The following VPS41 variants were observed in gnomAD, a reference collection of about 807,000 sequenced individuals.
VPS41 encodes the protein VPS41 subunit of HOPS complex.
A neutral mutation model predicts 130.9 loss-of-function variants in VPS41; 85 were observed. That is an observed-to-expected ratio of 0.65 (90% CI 0.55 to 0.78). The LOEUF is 0.78. Ranked by LOEUF, VPS41 falls within the 30% of genes least tolerant of loss-of-function variation. The pLI is 0.00. For synonymous variants in VPS41, 335 were observed against 332.9 expected, an observed-to-expected ratio of 1.01 and a Z score of -0.07; for missense variants, 874 against 1,018.7, an observed-to-expected ratio of 0.86 and a Z score of 1.93.
At position 38,745,581 on chromosome 7, in the gene VPS41, T is replaced by C. The variant is rs764303233; in HGVS notation, c.1959A>G (p.Val653=). 1.1e-5 allele frequency: 18 copies of C among 1,608,422 alleles called. No individual in the cohort carries two copies. The highest frequency in any genetic ancestry group is 1.5e-5 in the Non-Finnish European group (18 of 1,178,544). The part of the protein sequence containing the change: ...ALEICQQRNF[V]EETVYLLSRM... ...TACTCAGAAGATAAACTGTCTCTTC[T>C]ACAAAGTTTCTCTGTTGACAGATCT... The change falls in exon 23 of 29, where the codon GTA becomes GTG. Residue 653 remains valine, a synonymous_variant. Coordinates refer to ENST00000310301, the MANE Select transcript of VPS41 (RefSeq NM_014396.4).
At chr7:38,848,003 C>T (rs978259634) in intron 4 of VPS41, among the ~76,000 whole-genome samples, 11 of 152,156 alleles carry the variant, frequency 7.2e-5, no homozygotes, top group African/African-American at 9.7e-5. Context: ...CAACATATGA[C>T]GAAGAAAGAC....
At chr7:38,859,219 G>C (rs10272767) in intron 4 of VPS41, among the ~76,000 whole-genome samples, 49,171 of 151,836 alleles carry the variant, frequency 0.32, 8,559 homozygotes, top group Admixed American at 0.53. Flanking sequence ...CTATTATAAA[G>C]TCAAAAGTTT....
At chr7:38,769,367 G>A (rs1284310385) in intron 14 of VPS41, among the ~76,000 whole-genome samples, 1 of 152,150 alleles carries the variant, frequency 6.6e-6, no homozygotes, top group Admixed American at 6.5e-5. Flanking sequence ...TGCTTAAGAA[G>A]CAAGCATAAT....
chr7:38,767,950 A>C (rs1784079201), intron 14 of VPS41, among the ~76,000 whole-genome samples: 1 of 152,162 alleles, frequency 6.6e-6, no homozygotes, highest in African/African-American at 2.4e-5. Context: ...ATGTATATAA[A>C]ATTGTTTCCT....
intron 2 of VPS41, among the ~76,000 whole-genome samples, chr7:38,895,467 C>CTAT (rs35428476): frequency 0.92 from 140,231 of 152,102 alleles, 64,793 homozygotes; most frequent in East Asian, 1. Context: ...TTCTGACTTT[C>CTAT]TTTCTTCCTA....
rs1482910268 is a variant in VPS41, at chr7:38,856,363, T to C, written c.246+6182A>G. On this transcript the variant is annotated intron_variant, in intron 4 of 28. Transcript: ENST00000310301. ...ATTCTAAATACCATCACATTGAGGG[T>C]TAGGACCTCAACATATGAATTAGGA... Among the ~76,000 whole-genome samples the C allele has an allele frequency of 3.9e-5, 6 of 151,994 alleles. No homozygotes were observed. In the East Asian group the frequency reaches 1.2e-3, roughly 29 times the overall value.
intron 5 of VPS41, 74 bp downstream of exon 5, chr7:38,830,180 G>A: frequency 1.1e-6 from 1 of 901,468 alleles, no homozygotes; most frequent in Non-Finnish European, 1.9e-6. Flanking sequence ...CAGTTATATA[G>A]TAAGCAAGGT....
In VPS41 at chr7:38,860,697, TTGTGTGTGTGTGTGTG is replaced by T. The variant is rs59007809; in HGVS notation, c.246+1832_246+1847del. Among the ~76,000 whole-genome samples the T allele has an allele frequency of 5.9e-4, 85 of 143,490 alleles. 1 individual carries two copies. Among genetic ancestry groups the T allele is most frequent in the African/African-American group, 8.0e-4 (31 of 38,550 alleles). The allele number at this position is 143,490 out of a possible 152,430, so 94.1% of individuals were successfully genotyped here. A position where few individuals can be genotyped will look rare whatever the true frequency, so the allele number is the denominator to read the frequency against. On this transcript the variant is annotated intron_variant, in intron 4 of 28. Coordinates refer to ENST00000310301, the MANE Select transcript of VPS41 (RefSeq NM_014396.4). ...AATTAAGCTATTATTAACAATCTGT[TTGTGTGTGTGTGTGTG>T]TGTGTGTGTGTGTGTGTGTGTGTGT... is the stretch of plus-strand genomic sequence containing the variant.
chr7:38,865,890 A>G (rs1178668730), intron 3 of VPS41, among the ~76,000 whole-genome samples: 1 of 152,242 alleles, frequency 6.6e-6, no homozygotes, highest in Non-Finnish European at 1.5e-5. Flanking sequence ...GGCCCAAATC[A>G]TTAAGTCATC....
chr7:38,747,078 C>T (rs1436193249), intron 22 of VPS41, among the ~76,000 whole-genome samples: 1 of 151,994 alleles, frequency 6.6e-6, no homozygotes, highest in Non-Finnish European at 1.5e-5. Context: ...TAGCTAATAC[C>T]GAGAAAATCT....
At chr7:38,857,401 T>C (rs555225753) in intron 4 of VPS41, among the ~76,000 whole-genome samples, 1 of 152,276 alleles carries the variant, frequency 6.6e-6, no homozygotes, top group African/African-American at 2.4e-5. Context: ...CACATAAAGG[T>C]GAACAGTAGA....
intron 4 of VPS41, among the ~76,000 whole-genome samples, chr7:38,833,511 A>C (rs143440115): frequency 1.3e-5 from 2 of 152,212 alleles, no homozygotes; most frequent in Non-Finnish European, 2.9e-5. Context: ...TCCAGCCTTA[A>C]GGCCTTTCCA....
At chr7:38,882,300 C>G (rs141269703) in intron 2 of VPS41, among the ~76,000 whole-genome samples, 1,554 of 152,266 alleles carry the variant, frequency 0.01, 6 homozygotes, top group Non-Finnish European at 0.014. Flanking sequence ...TCTGGGGCAC[C>G]ACTCTCTCCT....
At chr7:38,730,964 T>C (rs1413377186) in intron 25 of VPS41, among the ~76,000 whole-genome samples, 1 of 152,164 alleles carries the variant, frequency 6.6e-6, no homozygotes, top group African/African-American at 2.4e-5. Context: ...GGATTACATT[T>C]TTCTAAACAG....
At chr7:38,874,722 A>G (rs1290639347) in intron 2 of VPS41, among the ~76,000 whole-genome samples, 1 of 152,162 alleles carries the variant, frequency 6.6e-6, no homozygotes, top group Non-Finnish European at 1.5e-5. Context: ...TCCACAGTAA[A>G]AAACCAACTA....
intron 4 of VPS41, among the ~76,000 whole-genome samples, chr7:38,859,329 T>A (rs929067337): frequency 6.6e-6 from 1 of 152,140 alleles, no homozygotes; most frequent in Non-Finnish European, 1.5e-5. Context: ...TTAGCCTAAG[T>A]GTACAGGGTT....
intron 22 of VPS41, among the ~76,000 whole-genome samples, chr7:38,746,372 A>G (rs779907601): frequency 5.9e-5 from 9 of 152,126 alleles, no homozygotes; most frequent in Non-Finnish European, 1.2e-4. Flanking sequence ...TTAGATAGAG[A>G]TGCAAAGATG....
chr7:38,769,336 A>T (rs2115827424), intron 14 of VPS41, among the ~76,000 whole-genome samples: 1 of 152,324 alleles, frequency 6.6e-6, no homozygotes, highest in Non-Finnish European at 1.5e-5. Flanking sequence ...ATGAAAATAT[A>T]AATACATTTA....
intron 22 of VPS41, among the ~76,000 whole-genome samples, chr7:38,749,210 G>T (rs1796045614): frequency 6.6e-6 from 1 of 151,992 alleles, no homozygotes; most frequent in South Asian, 2.1e-4. Flanking sequence ...TCTTTCCAAA[G>T]TTTTGGGCCA....
Sources: gnomAD v4.1 joint callset for allele counts (sites outside exome capture counted in the v4.1 genomes callset) on GRCh38, gnomAD v4.1.1 for gene constraint, MANE v1.5 for transcripts, NCBI Gene and HGNC (gene_info 2026-07-23, HGNC 2026-07-21) for gene names.